CTTNBP2: variants seen among roughly 807,000 people sequenced by gnomAD.
CTTNBP2 encodes cortactin-binding protein 2.
In CTTNBP2, 108 loss-of-function variants were observed where a neutral mutation model predicts 156.9. That is an observed-to-expected ratio of 0.69 (90% CI 0.59 to 0.81). The LOEUF is 0.81. CTTNBP2 is among the 30% of genes least tolerant of loss of function. The pLI is 0.00. For missense variants in CTTNBP2, 1,924 were observed against 2,035.4 expected (o/e 0.95, Z 1.05); for synonymous variants, 767 against 751.8 (o/e 1.02, Z -0.33).
Position 117,777,589 on chromosome 7 carries a change from A to T in CTTNBP2, c.2700T>A (p.Val900=), listed in dbSNP as rs1798174921. The change falls in exon 8 of 23, where the codon GTT becomes GTA. Residue 900 remains valine, a synonymous_variant. Transcript: ENST00000160373. The part of the protein sequence containing the change: ...EESPEGISKP[V]VPADLINHAN... Reference sequence around the variant, plus strand: ...CGTGGTTAATGAGGTCTGCAGGAACAACAGGCTTGGATATGCCTTCAGGAC... The same window carrying T: ...CGTGGTTAATGAGGTCTGCAGGAACTACAGGCTTGGATATGCCTTCAGGAC... 1 of 1,613,954 alleles carries T rather than the reference A, an allele frequency of 6.2e-7. No individual in the cohort carries two copies. The highest frequency in any genetic ancestry group is 1.3e-5 in the African/African-American group (1 of 74,930).
At chr7:117,747,356 T>C (rs1796388241) in intron 12 of CTTNBP2, among the ~76,000 whole-genome samples, 1 of 152,166 alleles carries the variant, frequency 6.6e-6, no homozygotes. Flanking sequence ...TCTGTGAAGA[T>C]AGTAAAAATG....
intron 1 of CTTNBP2, among the ~76,000 whole-genome samples, chr7:117,864,698 T>TCATATATTCATATATATTCATATATA (rs1563077621): frequency 1.2e-4 from 14 of 120,620 alleles, no homozygotes; most frequent in African/African-American, 2.1e-4. Context: ...TCATATATAT[T>TCATATATTCATATATATTCATATATA]CATATATTCA....
At position 117,865,544 on chromosome 7, in the gene CTTNBP2, C is replaced by T. The variant is rs146944950; in HGVS notation, c.82-4228G>A. On this transcript the variant is annotated intron_variant, in intron 1 of 22. Transcript: ENST00000160373. ...AAAAAAAATTAGCCAGGCATGGTGG[C>T]ATGCACCTGTAGTCCCAGCTACTAT... 6.7e-3 allele frequency among the ~76,000 whole-genome samples: 1,017 copies of T among 150,746 alleles called. 9 individuals carry two copies. The highest frequency in any genetic ancestry group is 0.022 in the African/African-American group (906 of 41,160).
intron 8 of CTTNBP2, among the ~76,000 whole-genome samples, chr7:117,774,831 G>C (rs932279177): frequency 6.6e-6 from 1 of 150,580 alleles, no homozygotes; most frequent in Non-Finnish European, 1.5e-5. Context: ...CTAGAGAAAA[G>C]AAAAAAAAAT....
intron 5 of CTTNBP2, among the ~76,000 whole-genome samples, chr7:117,783,535 T>C (rs969144682): frequency 3.9e-5 from 6 of 152,228 alleles, no homozygotes; most frequent in African/African-American, 7.2e-5. Context: ...TGTTACTTAC[T>C]AGATTTACTT....
At position 117,780,524 on chromosome 7, in the gene CTTNBP2, G is replaced by C. The variant is rs762216887; in HGVS notation, c.2440C>G (p.Leu814Val). ...TTTCCATTTTTACAGGCCAGGTATA[G>C]AGGTGTCTGTCCTCCATCAGCAGCA... ...NHAADGGQTP[L>V]YLACKNGNKE... Residue 814 changes from leucine (L) to valine (V), a missense_variant, in exon 7 of 23, where the codon CTA (leucine) becomes GTA (valine). Physicochemically the swap from Leu to Val is conservative, Grantham distance 32 (BLOSUM62 1). Coordinates refer to ENST00000160373, the MANE Select transcript of CTTNBP2 (RefSeq NM_033427.3). 2 of 1,597,608 alleles carry C rather than the reference G, an allele frequency of 1.3e-6. No individual in the cohort carries two copies. The highest frequency in any genetic ancestry group is 1.1e-5 in the South Asian group (1 of 89,130).
intron 2 of CTTNBP2, among the ~76,000 whole-genome samples, chr7:117,820,747 TATA>T (rs1430775876): frequency 1.3e-5 from 2 of 152,344 alleles, no homozygotes; most frequent in East Asian, 3.9e-4. Context: ...TTCGTTGCTT[TATA>T]ATAAGTGCTG....
chr7:117,873,301 A>C, intron 1 of CTTNBP2, 34 bp downstream of exon 1: 1 of 1,405,376 alleles, frequency 7.1e-7, no homozygotes, highest in Non-Finnish European at 9.3e-7. Context: ...CCGCGTCTAC[A>C]CTAGCCCCGC....
Position 117,873,321 on chromosome 7 carries a change from G to A in CTTNBP2, c.81+14C>T, listed in dbSNP as rs147139867. The A allele has an allele frequency of 1.3e-4, 180 of 1,436,444 alleles. No homozygotes were observed. The African/African-American group carries it at 2.5e-3, about 20-fold the overall frequency. The allele number at this position is 1,436,444 out of a possible 1,614,324, so 89.0% of individuals were successfully genotyped here. On this transcript the variant is annotated intron_variant, in intron 1 of 22. Transcript: ENST00000160373. ...TCTACACTAGCCCCGCGCCCGCCCC[G>A]GGAACTCGGTTACCGCCGCCTCCGC...
At chr7:117,817,361 A>AAAAATAT (rs1554437688) in intron 2 of CTTNBP2, among the ~76,000 whole-genome samples, 5 of 53,282 alleles carry the variant, frequency 9.4e-5, no homozygotes, top group Admixed American at 5.4e-4. Flanking sequence ...AAAAAAAAAA[A>AAAAATAT]ATATATATAT....
intron 2 of CTTNBP2, among the ~76,000 whole-genome samples, chr7:117,826,982 C>A (rs2117056552): frequency 6.6e-6 from 1 of 152,002 alleles, no homozygotes; most frequent in South Asian, 2.1e-4. Context: ...CTGCCTCAGC[C>A]TCAGTAACTG....
intron 17 of CTTNBP2, among the ~76,000 whole-genome samples, chr7:117,726,797 G>T (rs1795119002): frequency 6.6e-6 from 1 of 152,142 alleles, no homozygotes; most frequent in African/African-American, 2.4e-5. Flanking sequence ...TCACCCTGTG[G>T]GGCTTCAGGG....
chr7:117,746,364 G>C (rs955492001), intron 12 of CTTNBP2, among the ~76,000 whole-genome samples: 1 of 152,192 alleles, frequency 6.6e-6, no homozygotes, highest in Non-Finnish European at 1.5e-5. Context: ...CTGCAGGGTA[G>C]CTGAGACACA....
chr7:117,734,106 A>G (rs1367154946), intron 16 of CTTNBP2, among the ~76,000 whole-genome samples: 2 of 152,212 alleles, frequency 1.3e-5, no homozygotes, highest in African/African-American at 4.8e-5. Context: ...CGGGAGGGTC[A>G]ACAGACTCCC....
At chr7:117,760,807 A>G in intron 9 of CTTNBP2, 97 bp from the exon 10 acceptor site, 1 of 803,006 alleles carries the variant, frequency 1.2e-6, no homozygotes, top group Non-Finnish European at 1.9e-6. Flanking sequence ...ACATTTAAAA[A>G]TTATAAACCA....
chr7:117,738,366 G>T (rs141053157), intron 14 of CTTNBP2, among the ~76,000 whole-genome samples: 7 of 152,126 alleles, frequency 4.6e-5, no homozygotes, highest in African/African-American at 1.7e-4. Flanking sequence ...TAAATAGGGG[G>T]ATAAACAGGA....
intron 4 of CTTNBP2, among the ~76,000 whole-genome samples, chr7:117,789,360 G>C (rs1432153944): frequency 6.6e-6 from 1 of 152,066 alleles, no homozygotes; most frequent in East Asian, 1.9e-4. Context: ...CTATATCCTA[G>C]GAAGTGTTTT....
intron 1 of CTTNBP2, chr7:117,871,775 T>C: frequency 7.8e-6 from 2 of 257,392 alleles, no homozygotes; most frequent in Non-Finnish European, 1.2e-5. Flanking sequence ...TCAACCTTTC[T>C]GGGGAACAAG....
chr7:117,731,960 C>T (rs1239740193), intron 16 of CTTNBP2, among the ~76,000 whole-genome samples: 3 of 152,208 alleles, frequency 2.0e-5, no homozygotes, highest in African/African-American at 7.2e-5. Flanking sequence ...TATAGTCCCT[C>T]ACCAGGTCTT....
Sources: allele counts gnomAD v4.1 joint callset (sites outside exome capture counted in the v4.1 genomes callset), GRCh38; gene constraint gnomAD v4.1.1; transcripts MANE v1.5; gene names NCBI Gene and HGNC (gene_info 2026-07-23, HGNC 2026-07-21).